The following N4BP2L2 variants were observed in gnomAD, a reference collection of about 807,000 sequenced individuals.
The protein encoded by N4BP2L2 is NEDD4 binding protein 2 like 2.
Under a neutral mutation model 56.2 loss-of-function variants are expected in N4BP2L2, and 50 were observed. The ratio of observed to expected loss-of-function variants is 0.89; its 90% CI spans 0.71 to 1.13. The LOEUF (loss-of-function observed/expected upper bound fraction) is 1.13. Ranked by LOEUF, N4BP2L2 falls within the 50% of genes most tolerant of loss-of-function variation. N4BP2L2 has a pLI of 0.00. For missense variants in N4BP2L2, 689 were observed against 693.8 expected (o/e 0.99, Z 0.08); for synonymous variants, 203 against 223.6 (o/e 0.91, Z 0.82).
chr13:32,463,862 AC>A (rs1424291752), intron 6 of N4BP2L2, among the ~76,000 whole-genome samples: 3 of 150,642 alleles, frequency 2.0e-5, no homozygotes, highest in African/African-American at 7.3e-5. Flanking sequence ...ATATTCCCAG[AC>A]AAACAAAAAC....
At position 32,535,699 on chromosome 13, in the gene N4BP2L2, C is replaced by T. The variant is rs556807957; in HGVS notation, c.1259+70G>A. 163 of 1,499,620 alleles carry T rather than the reference C, an allele frequency of 1.1e-4. 2 individuals carry two copies. Among genetic ancestry groups the T allele is most frequent in the South Asian group, 1.1e-3 (82 of 76,462 alleles). 92.9% of individuals were successfully genotyped at this position (1,499,620 alleles called of 1,614,324 possible). The stretch of plus-strand genomic sequence containing the variant: ...GATTACATGCATGAGTCACTGCAGC[C>T]GGCGACAAATATCATTTATAATTTT... On this transcript the variant is annotated intron_variant, in intron 2 of 5. Coordinates refer to ENST00000267068, the Ensembl canonical transcript of N4BP2L2.
intron 8 of N4BP2L2, chr13:32,436,519 G>GT: frequency 2.2e-6 from 1 of 447,924 alleles, no homozygotes; most frequent in Non-Finnish European, 4.0e-6. Context: ...AAATATAACA[G>GT]TGGCTCACGC....
intron 6 of N4BP2L2, among the ~76,000 whole-genome samples, chr13:32,473,656 C>T (rs993186207): frequency 5.3e-5 from 8 of 152,216 alleles, no homozygotes; most frequent in East Asian, 1.9e-4. Context: ...GAATCCATTT[C>T]CTTGTCCTTT....
At chr13:32,499,607 A>G (rs2089567926) in intron 6 of N4BP2L2, among the ~76,000 whole-genome samples, 1 of 152,172 alleles carries the variant, frequency 6.6e-6, no homozygotes, top group Admixed American at 6.5e-5. Context: ...ATTTACATCT[A>G]TCATATTCTT....
At chr13:32,439,417 G>T (rs191488091) in intron 7 of N4BP2L2, among the ~76,000 whole-genome samples, 9 of 152,128 alleles carry the variant, frequency 5.9e-5, no homozygotes, top group Non-Finnish European at 7.3e-5. Context: ...CAAGGTAAGC[G>T]AGGCATAGAA....
intron 6 of N4BP2L2, among the ~76,000 whole-genome samples, chr13:32,463,918 C>CAAAAAAAAA (rs58685358): frequency 0.021 from 1,352 of 63,958 alleles, 71 homozygotes; most frequent in African/African-American, 0.079. Context: ...TGCCCATGAC[C>CAAAAAAAAA]AAAAAAAAAA....
At chr13:32,525,807 G>T (rs2052560199) in intron 3 of N4BP2L2, among the ~76,000 whole-genome samples, 1 of 152,134 alleles carries the variant, frequency 6.6e-6, no homozygotes, top group African/African-American at 2.4e-5. Flanking sequence ...CTTCATTACA[G>T]AAGAATTCCA....
chr13:32,473,476 A>G (rs2138980854), intron 6 of N4BP2L2, among the ~76,000 whole-genome samples: 1 of 152,288 alleles, frequency 6.6e-6, no homozygotes, highest in African/African-American at 2.4e-5. Context: ...TTCATTTTCT[A>G]TTGCTGCTGT....
intron 6 of N4BP2L2, among the ~76,000 whole-genome samples, chr13:32,499,621 A>G (rs2089571568): frequency 6.6e-6 from 1 of 152,150 alleles, no homozygotes; most frequent in African/African-American, 2.4e-5. Flanking sequence ...TATTCTTCAC[A>G]CTGTTCTTGC....
chr13:32,443,697 T>C, exon 7 of N4BP2L2: 1 of 1,602,536 alleles, frequency 6.2e-7, no homozygotes, highest in East Asian at 2.2e-5. Flanking sequence ...AGGAAAGGTT[T>C]TGAGTCAGTA....
Position 32,538,180 on chromosome 13 carries a change from A to G in N4BP2L2, c.-1+438T>C, listed in dbSNP as rs115628743. Among the ~76,000 whole-genome samples the G allele has an allele frequency of 4.3e-3, 647 of 152,050 alleles. 5 individuals carry two copies. Among genetic ancestry groups the G allele is most frequent in the African/African-American group, 0.015 (625 of 41,450 alleles). On this transcript the variant is annotated intron_variant, in intron 1 of 5. Transcript: ENST00000267068. The stretch of plus-strand genomic sequence containing the variant: ...TGTGCCACTCTCTGGTGTTCCTAAC[A>G]CGAGAGAAAGAGAAATGGACAAAAA...
At chr13:32,520,129 T>C (rs1019919084) in intron 5 of N4BP2L2, among the ~76,000 whole-genome samples, 1 of 152,006 alleles carries the variant, frequency 6.6e-6, no homozygotes, top group Admixed American at 6.6e-5. Flanking sequence ...GGAAGTAAAT[T>C]AGTTGGACCC....
At chr13:32,480,647 G>A (rs1266790216) in intron 6 of N4BP2L2, 2 of 1,285,358 alleles carry the variant, frequency 1.6e-6, no homozygotes, top group Admixed American at 2.3e-5. Flanking sequence ...CCTGAAAATG[G>A]AAATAACATT....
At chr13:32,518,036 T>C (rs1212032489) in intron 5 of N4BP2L2, 33 bp from the exon 6 acceptor site, 1 of 1,602,416 alleles carries the variant, frequency 6.2e-7, no homozygotes, top group South Asian at 1.1e-5. Context: ...TAAATCTTTG[T>C]TGCAGAATGT....
chr13:32,490,975 T>C (rs1171403756), intron 6 of N4BP2L2, among the ~76,000 whole-genome samples: 1 of 144,732 alleles, frequency 6.9e-6, no homozygotes, highest in Non-Finnish European at 1.5e-5. Flanking sequence ...TTAGAGTAAA[T>C]CCTCATTTTT....
intron 7 of N4BP2L2, among the ~76,000 whole-genome samples, chr13:32,438,972 C>T (rs2075848561): frequency 6.6e-6 from 1 of 152,230 alleles, no homozygotes; most frequent in African/African-American, 2.4e-5. Context: ...GGCCACTGAC[C>T]ATGAGCTTGG....
intron 2 of N4BP2L2, among the ~76,000 whole-genome samples, chr13:32,530,989 C>T (rs1382529899): frequency 1.3e-5 from 2 of 151,962 alleles, no homozygotes; most frequent in African/African-American, 2.4e-5. Flanking sequence ...TGGACAGAGG[C>T]CAAGTAGCAA....
At chr13:32,482,302 T>C (rs552369247) in intron 6 of N4BP2L2, among the ~76,000 whole-genome samples, 2 of 152,334 alleles carry the variant, frequency 1.3e-5, no homozygotes, top group South Asian at 2.1e-4. Flanking sequence ...GCTGACTGTA[T>C]ACAATGAATT....
chr13:32,441,734 A>T (rs371159529), intron 7 of N4BP2L2, among the ~76,000 whole-genome samples: 1 of 131,630 alleles, frequency 7.6e-6, no homozygotes, highest in African/African-American at 2.8e-5. Flanking sequence ...TAAATAAATA[A>T]ATATAAAAAA....
Sources: gnomAD v4.1 joint callset for allele counts (sites outside exome capture counted in the v4.1 genomes callset) on GRCh38, gnomAD v4.1.1 for gene constraint, MANE v1.5 for transcripts, NCBI Gene and HGNC (gene_info 2026-07-23, HGNC 2026-07-21) for gene names.